Variants in YTHDF1 observed in about 807,000 individuals in gnomAD.
YTHDF1 encodes YTH domain-containing family protein 1.
Under a neutral mutation model 49.1 loss-of-function variants are expected in YTHDF1, and 16 were observed. The observed-to-expected ratio is 0.33, with a 90% CI of 0.22 to 0.49. YTHDF1 has a LOEUF of 0.49. Ranked by LOEUF, YTHDF1 falls within the 20% of genes least tolerant of loss-of-function variation. YTHDF1 has a pLI of 0.99. For missense variants in YTHDF1, 621 were observed against 744.3 expected (o/e 0.83, Z 1.93); for synonymous variants, 313 against 290.1 (o/e 1.08, Z -0.80).
intron 3 of YTHDF1, among the ~76,000 whole-genome samples, chr20:63,207,051 A>C (rs959401307): frequency 1.7e-4 from 26 of 152,232 alleles, no homozygotes; most frequent in African/African-American, 5.8e-4. Context: ...ACAGCCAGGC[A>C]CAGGTTCAGC....
chr20:63,206,692 G>A (rs1459024149), intron 3 of YTHDF1, among the ~76,000 whole-genome samples: 2 of 152,226 alleles, frequency 1.3e-5, no homozygotes, highest in African/African-American at 2.4e-5. Context: ...GTGACCTGGG[G>A]TTCTGTGGGC....
chr20:63,202,682 G>A lies in YTHDF1; in HGVS notation c.1258C>T (p.Arg420Cys). 2 of 1,614,002 alleles carry A rather than the reference G, an allele frequency of 1.2e-6. No individual in the cohort carries two copies. Among genetic ancestry groups the A allele is most frequent in the Non-Finnish European group, 1.7e-6 (2 of 1,180,052 alleles). The stretch of plus-strand genomic sequence containing the variant: ...ATGCAGCGGAAGGCGCTGTCCAGGC[G>A]CTTGTTGCCGTGCTCTGTGCTACAC... ...IWCSTEHGNK[R>C]LDSAFRCMSS... Residue 420 changes from arginine to cysteine, a missense_variant, in exon 4 of 5, where the codon CGC becomes TGC. Physicochemically the swap from Arg to Cys is radical, Grantham distance 180 (BLOSUM62 -3). This residue lies in a region of YTHDF1 where 151 missense variants were observed against 248.5 expected (regional missense o/e 0.61). Transcript: ENST00000370339.
intron 3 of YTHDF1, among the ~76,000 whole-genome samples, chr20:63,205,587 C>T (rs1307190096): frequency 6.6e-6 from 1 of 151,942 alleles, no homozygotes; most frequent in Non-Finnish European, 1.5e-5. Flanking sequence ...CAGCTCACTG[C>T]AACCTCCGCC....
At chr20:63,198,917 A>T (rs1489147591) in intron 4 of YTHDF1, among the ~76,000 whole-genome samples, 3 of 152,216 alleles carry the variant, frequency 2.0e-5, no homozygotes, top group African/African-American at 2.4e-5. Flanking sequence ...AGGTTTTTTT[A>T]AAACCAAAAA....
intron 2 of YTHDF1, among the ~76,000 whole-genome samples, chr20:63,215,269 C>A (rs1458792771): frequency 6.6e-6 from 1 of 152,216 alleles, no homozygotes; most frequent in Non-Finnish European, 1.5e-5. Flanking sequence ...CGGAAAAAGG[C>A]AAGTCGCTCA....
Position 63,213,855 on chromosome 20 carries a change from TA to T in YTHDF1, c.132+8del. ...TAAAAACAAATATATGCTAACAAAA[TA>T]AACTCACCTGATTTGACTGTCCAGT... On this transcript the variant is annotated splice_region_variant and intron_variant, in intron 3 of 4. Transcript: ENST00000370339. 6.3e-7 allele frequency: 1 copy of T among 1,599,912 alleles called. No individual in the cohort carries two copies. Among genetic ancestry groups the T allele is most frequent in the East Asian group, 2.3e-5 (1 of 44,204 alleles).
At chr20:63,206,165 T>C (rs1227916294) in intron 3 of YTHDF1, among the ~76,000 whole-genome samples, 2 of 152,198 alleles carry the variant, frequency 1.3e-5, no homozygotes, top group Admixed American at 1.3e-4. Context: ...GCTGGACACG[T>C]GCTCCTCAGC....
chr20:63,195,821 GAC>G lies in YTHDF1; in HGVS notation c.*885_*886del, dbSNP rs1486458046. 1 of 152,074 alleles carries G rather than the reference GAC, an allele frequency of 6.6e-6. No homozygotes were observed. Among genetic ancestry groups the G allele is most frequent in the African/African-American group, 2.4e-5 (1 of 41,408 alleles). 9.4% of individuals were successfully genotyped at this position (152,074 alleles called of 1,614,324 possible). A position where few individuals can be genotyped will look rare whatever the true frequency, so the allele number is the denominator to read the frequency against. ...ACCCATTCAACAGGAAAAAAAATTAGACACACACGATGAAATTTACAACCAGC... is the reference window on the plus strand; with the variant it reads ...ACCCATTCAACAGGAAAAAAAATTAGACACACGATGAAATTTACAACCAGC... On this transcript the variant is annotated 3_prime_UTR_variant, in exon 5 of 5. Coordinates refer to ENST00000370339, the MANE Select transcript of YTHDF1 (RefSeq NM_017798.4).
At chr20:63,201,387 T>G (rs2066516677) in intron 4 of YTHDF1, among the ~76,000 whole-genome samples, 1 of 152,230 alleles carries the variant, frequency 6.6e-6, no homozygotes, top group South Asian at 2.1e-4. Flanking sequence ...AGGGATATTT[T>G]TTAAAAAGCA....
intron 2 of YTHDF1, chr20:63,214,221 T>C (rs944965503): frequency 1.2e-5 from 8 of 668,272 alleles, no homozygotes; most frequent in Non-Finnish European, 1.5e-5. Flanking sequence ...AAGGAACACA[T>C]AACCAGGGTG....
chr20:63,201,498 A>T (rs1177086280), intron 4 of YTHDF1, among the ~76,000 whole-genome samples: 1 of 152,202 alleles, frequency 6.6e-6, no homozygotes, highest in Non-Finnish European at 1.5e-5. Flanking sequence ...CGGGCATCTG[A>T]GCCCTTCTGA....
At chr20:63,196,946 C>T (rs560466253) in intron 4 of YTHDF1, among the ~76,000 whole-genome samples, 1 of 152,272 alleles carries the variant, frequency 6.6e-6, no homozygotes, top group Admixed American at 6.5e-5. Context: ...TTCTCCCCAC[C>T]CCCTCTACCA....
At chr20:63,201,827 AG>A (rs973444549) in intron 4 of YTHDF1, among the ~76,000 whole-genome samples, 10 of 152,198 alleles carry the variant, frequency 6.6e-5, no homozygotes, top group African/African-American at 2.4e-4. Context: ...CTGGGAAGCA[AG>A]GGCCCTTGGC....
At chr20:63,213,818 T>C (rs751534360) in intron 3 of YTHDF1, 46 bp downstream of exon 3, 2 of 1,546,816 alleles carry the variant, frequency 1.3e-6, no homozygotes, top group Non-Finnish European at 1.8e-6. Flanking sequence ...TACAAAACAA[T>C]TAAAACCAAC....
At chr20:63,212,517 A>G (rs1319446841) in intron 3 of YTHDF1, among the ~76,000 whole-genome samples, 1 of 152,242 alleles carries the variant, frequency 6.6e-6, no homozygotes, top group African/African-American at 2.4e-5. Flanking sequence ...GAGCACTCAG[A>G]GCATCTGCTT....
At chr20:63,202,160 T>A in intron 4 of YTHDF1, 127 bp downstream of exon 4, 1 of 1,316,496 alleles carries the variant, frequency 7.6e-7, no homozygotes, top group Non-Finnish European at 1.0e-6. Flanking sequence ...TGCGGCCAAC[T>A]GGGAGCTGCC....
At position 63,215,047 on chromosome 20, in the gene YTHDF1, A is replaced by G. The variant is rs1316268708; in HGVS notation, c.52+530T>C. 5.9e-5 allele frequency among the ~76,000 whole-genome samples: 9 copies of G among 152,312 alleles called. No homozygotes were observed. In the East Asian group the frequency reaches 1.7e-3, roughly 29 times the overall value. On this transcript the variant is annotated intron_variant, in intron 2 of 4. Coordinates refer to ENST00000370339, the MANE Select transcript of YTHDF1 (RefSeq NM_017798.4). ...GATGAACCGTATTTGGTTACACCTG[A>G]GCTGACACACAAACTGGCTAAAAAA... is the stretch of plus-strand genomic sequence containing the variant.
At position 63,203,005 on chromosome 20, in the gene YTHDF1, A is replaced by G. The variant is rs1203078980; in HGVS notation, c.935T>C (p.Leu312Ser). The G allele has an allele frequency of 1.9e-6, 3 of 1,612,340 alleles. No homozygotes were observed. The East Asian group carries it at 6.7e-5, about 36-fold the overall frequency. Residue 312 changes from leucine (L) to serine (S), a missense_variant, in exon 4 of 5, where the codon TTG (leucine) becomes TCG (serine). Leu to Ser is a moderately radical substitution (Grantham distance 145). Around this residue, in one of 2 missense-constraint regions of YTHDF1, gnomAD observed 470 missense variants for 495.8 expected, o/e 0.95. Transcript: ENST00000370339. The surrounding 1 kb of genome is among the most constrained non-coding windows in gnomAD (Gnocchi z 4.4). ...AQPLPAQPPA[L>S]AQPQYQSPQQ... ...AGGGCTCTGATACTGCGGTTGAGCCAAAGCTGGGGGCTGTGCTGGGAGAGG... is the reference window on the plus strand; with the variant it reads ...AGGGCTCTGATACTGCGGTTGAGCCGAAGCTGGGGGCTGTGCTGGGAGAGG...
chr20:63,196,786 C>G (rs773847735), intron 4 of YTHDF1, 52 bp from the exon 5 acceptor site: 2 of 1,610,454 alleles, frequency 1.2e-6, no homozygotes, highest in Non-Finnish European at 1.7e-6. Context: ...ACCAATGAAT[C>G]CCTCCCAAAA....
Sources: allele counts gnomAD v4.1 joint callset (sites outside exome capture counted in the v4.1 genomes callset), GRCh38; gene constraint gnomAD v4.1.1; regional missense constraint gnomAD v4.1.1; non-coding constraint Gnocchi (gnomAD v3.1); transcripts MANE v1.5; gene names NCBI Gene and HGNC (gene_info 2026-07-23, HGNC 2026-07-21).